OSBPL3: variants seen among roughly 807,000 people sequenced by gnomAD.
OSBPL3 encodes the protein oxysterol-binding protein-related protein 3.
A neutral mutation model predicts 120.1 loss-of-function variants in OSBPL3; 65 were observed. That is an observed-to-expected ratio of 0.54 (90% CI 0.44 to 0.67). The LOEUF is 0.67. Among genes scored for constraint, OSBPL3 ranks in the 30% least tolerant of loss-of-function variants. The pLI is 0.00. For synonymous variants in OSBPL3, 416 were observed against 402.6 expected, an observed-to-expected ratio of 1.03 and a Z score of -0.40; for missense variants, 1,004 against 1,082.1, an observed-to-expected ratio of 0.93 and a Z score of 1.01.
chr7:24,834,371 A>C lies in OSBPL3; in HGVS notation c.1746+115T>G, dbSNP rs756230542. 1 of 1,515,544 alleles carries C rather than the reference A, an allele frequency of 6.6e-7. No individual in the cohort carries two copies. The allele number at this position is 1,515,544 out of a possible 1,614,324, so 93.9% of individuals were successfully genotyped here. A position where few individuals can be genotyped will look rare whatever the true frequency, so the allele number is the denominator to read the frequency against. ...CTCTGAGTAATGAACCTGTTTACGGAACAATCAAAATGAAACCGGAGGGAA... is the reference window on the plus strand; with the variant it reads ...CTCTGAGTAATGAACCTGTTTACGGCACAATCAAAATGAAACCGGAGGGAA... On this transcript the variant is annotated intron_variant, in intron 15 of 22. Coordinates refer to ENST00000313367, the MANE Select transcript of OSBPL3 (RefSeq NM_015550.4). The surrounding 1 kb of genome is among the most constrained non-coding windows in gnomAD (Gnocchi z 5.2).
At chr7:24,840,838 T>A in intron 13 of OSBPL3, 55 bp from the exon 14 acceptor site, 1 of 796,076 alleles carries the variant, frequency 1.3e-6, no homozygotes, top group Non-Finnish European at 2.1e-6. Flanking sequence ...AGAGCCAGAT[T>A]TTCATAAAAC....
At chr7:24,853,241 G>C (rs1161391412) in intron 10 of OSBPL3, among the ~76,000 whole-genome samples, 1 of 152,216 alleles carries the variant, frequency 6.6e-6, no homozygotes, top group African/African-American at 2.4e-5. Context: ...AAATTAGACA[G>C]CACCTTAATC....
intron 10 of OSBPL3, among the ~76,000 whole-genome samples, chr7:24,859,146 A>C (rs1258391539): frequency 1.3e-5 from 2 of 152,200 alleles, no homozygotes; most frequent in East Asian, 3.8e-4. Flanking sequence ...TGGTTTCCTT[A>C]TAACCCACCT....
rs1810025145 is a variant in OSBPL3 at position 24,918,708 on chromosome 7, T to C, written c.-149-26087A>G. 6.6e-6 allele frequency among the ~76,000 whole-genome samples: 1 copy of C among 152,220 alleles called. No individual in the cohort carries two copies. The highest frequency in any genetic ancestry group is 2.4e-5 in the African/African-American group (1 of 41,452). ...GACACTGGAGATAAGGCAGTGAACT[T>C]AGTCTGAAACATTATACAAATATCA... is the stretch of plus-strand genomic sequence containing the variant. On this transcript the variant is annotated intron_variant, in intron 1 of 22. Coordinates refer to ENST00000313367, the MANE Select transcript of OSBPL3 (RefSeq NM_015550.4). The surrounding 1 kb of genome is among the most constrained non-coding windows in gnomAD (Gnocchi z 4.3).
intron 2 of OSBPL3, among the ~76,000 whole-genome samples, chr7:24,887,328 A>C (rs1176122328): frequency 6.6e-6 from 1 of 152,190 alleles, no homozygotes; most frequent in Non-Finnish European, 1.5e-5. Flanking sequence ...TATGGTGAAG[A>C]CACGATATCT....
At position 24,940,277 on chromosome 7, in the gene OSBPL3, T is replaced by C. The variant is rs1812924824; in HGVS notation, c.-150+39609A>G. Among the ~76,000 whole-genome samples, 1 of 152,130 alleles carries C rather than the reference T, an allele frequency of 6.6e-6. No homozygotes were observed. The highest frequency in any genetic ancestry group is 1.5e-5 in the Non-Finnish European group (1 of 68,028). On this transcript the variant is annotated intron_variant, in intron 1 of 22. Transcript: ENST00000313367. This position sits in a 1 kb window ranked among gnomAD's most constrained non-coding sequence, Gnocchi z 4.4. Reference sequence around the variant, plus strand: ...AAAGCCAATAAGCAGAGTGGTAAACTGAGTACAAAGACAGAAGAAGTGGAC... The same window carrying C: ...AAAGCCAATAAGCAGAGTGGTAAACCGAGTACAAAGACAGAAGAAGTGGAC...
chr7:24,966,008 C>A lies in OSBPL3; in HGVS notation c.-150+13878G>T, dbSNP rs1395643460. ...TCTTGCCCTTGTTTCCTCCAAACCC[C>A]CTTCACATCCATTGACACCTGGCTA... On this transcript the variant is annotated intron_variant, in intron 1 of 22. Coordinates refer to ENST00000313367, the MANE Select transcript of OSBPL3 (RefSeq NM_015550.4). This position sits in a 1 kb window ranked among gnomAD's most constrained non-coding sequence, Gnocchi z 4.8. Among the ~76,000 whole-genome samples, 1 of 152,172 alleles carries A rather than the reference C, an allele frequency of 6.6e-6. No individual in the cohort carries two copies. The highest frequency in any genetic ancestry group is 2.4e-5 in the African/African-American group (1 of 41,450).
At chr7:24,837,470 T>G (rs1168561727) in intron 14 of OSBPL3, among the ~76,000 whole-genome samples, 1 of 152,124 alleles carries the variant, frequency 6.6e-6, no homozygotes, top group Non-Finnish European at 1.5e-5. Flanking sequence ...TCCCAAAGTG[T>G]TGGGATTATA....
Position 24,821,271 on chromosome 7 carries a change from C to T in OSBPL3, c.1885-1033G>A, listed in dbSNP as rs945757859. Among the ~76,000 whole-genome samples, 1 of 152,210 alleles carries T rather than the reference C, an allele frequency of 6.6e-6. No homozygotes were observed. The highest frequency in any genetic ancestry group is 2.4e-5 in the African/African-American group (1 of 41,448). The stretch of plus-strand genomic sequence containing the variant: ...ACATTTCCCAAGCCACACCAATAGT[C>T]AGGGAAGAGGTAGCGGTAAGTCCCA... On this transcript the variant is annotated intron_variant, in intron 16 of 22. Coordinates refer to ENST00000313367, the MANE Select transcript of OSBPL3 (RefSeq NM_015550.4). This position sits in a 1 kb window ranked among gnomAD's most constrained non-coding sequence, Gnocchi z 5.5.
rs1158996298 is a variant in OSBPL3, at chr7:24,831,538, G to A, written c.1747-633C>T. 1.3e-5 allele frequency among the ~76,000 whole-genome samples: 2 copies of A among 152,132 alleles called. No homozygotes were observed. Among genetic ancestry groups the A allele is most frequent in the African/African-American group, 2.4e-5 (1 of 41,432 alleles). ...AGAGAGGAAGGAAGAAAAACTTTAC[G>A]TGAACACGAAGTGAACAAACTCTCT... On this transcript the variant is annotated intron_variant, in intron 15 of 22. Transcript: ENST00000313367. This position sits in a 1 kb window ranked among gnomAD's most constrained non-coding sequence, Gnocchi z 4.0.
At chr7:24,842,195 A>G in intron 13 of OSBPL3, 84 bp downstream of exon 13, 1 of 1,400,300 alleles carries the variant, frequency 7.1e-7, no homozygotes, top group Non-Finnish European at 9.9e-7. Flanking sequence ...AGTGTTTCTG[A>G]TGATGGATTA....
intron 1 of OSBPL3, among the ~76,000 whole-genome samples, chr7:24,963,115 A>AAT (rs1815975585): frequency 6.6e-6 from 1 of 152,146 alleles, no homozygotes; most frequent in Non-Finnish European, 1.5e-5. Context: ...ACCCGATCCT[A>AAT]ATACCAGGTT....
At chr7:24,828,793 A>G (rs1399171888) in intron 16 of OSBPL3, among the ~76,000 whole-genome samples, 1 of 151,980 alleles carries the variant, frequency 6.6e-6, no homozygotes, top group Non-Finnish European at 1.5e-5. Context: ...GAAGGCTCAG[A>G]AAGTTGAAGG....
Position 24,820,518 on chromosome 7 carries a change from G to C in OSBPL3, c.1885-280C>G, listed in dbSNP as rs889683794. Among the ~76,000 whole-genome samples, 3 of 152,102 alleles carry C rather than the reference G, an allele frequency of 2.0e-5. No individual in the cohort carries two copies. The highest frequency in any genetic ancestry group is 2.9e-5 in the Non-Finnish European group (2 of 68,018). ...CCAGGTGGCGAGTGATGAGGATAGA[G>C]GCGCATTTTGAAAGACATAAAAATA... On this transcript the variant is annotated intron_variant, in intron 16 of 22. Coordinates refer to ENST00000313367, the MANE Select transcript of OSBPL3 (RefSeq NM_015550.4). The surrounding 1 kb of genome is among the most constrained non-coding windows in gnomAD (Gnocchi z 4.6).
At chr7:24,866,018 T>A (rs375905783) in intron 6 of OSBPL3, 52 bp downstream of exon 6, 270 of 1,499,756 alleles carry the variant, frequency 1.8e-4, no homozygotes, top group Non-Finnish European at 2.3e-4. Flanking sequence ...CAGGACTCCA[T>A]GAAACAAAGC....
intron 1 of OSBPL3, among the ~76,000 whole-genome samples, chr7:24,954,333 C>T (rs575786629): frequency 7.9e-5 from 12 of 152,170 alleles, no homozygotes; most frequent in Non-Finnish European, 8.8e-5. Flanking sequence ...ATGTCAAAAT[C>T]TTTCAGTCCC....
In OSBPL3 at chr7:24,797,974, TAAGCTTATAATATCAGGATG is replaced by T. The variant is rs1791898511; in HGVS notation, c.*2189_*2208del. 6.6e-6 allele frequency: 1 copy of T among 152,248 alleles called. No individual in the cohort carries two copies. The highest frequency in any genetic ancestry group is 1.5e-5 in the Non-Finnish European group (1 of 68,030). The allele number at this position is 152,248 out of a possible 1,614,324, so 9.4% of individuals were successfully genotyped here. A position where few individuals can be genotyped will look rare whatever the true frequency, so the allele number is the denominator to read the frequency against. ...AGTCATTTCCCCCTCAAGATAGTTT[TAAGCTTATAATATCAGGATG>T]CATCACCAAGCTGTTTAAATTTCAG... On this transcript the variant is annotated 3_prime_UTR_variant, in exon 23 of 23. Transcript: ENST00000313367. This position sits in a 1 kb window ranked among gnomAD's most constrained non-coding sequence, Gnocchi z 4.8.
Position 24,820,913 on chromosome 7 carries a change from A to C in OSBPL3, c.1885-675T>G, listed in dbSNP as rs562530059. ...GGTCTAATAAAACTATCTTAAGCAA[A>C]TAAGTAATCTCATTCCAGAAAAGAG... On this transcript the variant is annotated intron_variant, in intron 16 of 22. Transcript: ENST00000313367. This position sits in a 1 kb window ranked among gnomAD's most constrained non-coding sequence, Gnocchi z 4.6. Among the ~76,000 whole-genome samples, 9 of 152,344 alleles carry C rather than the reference A, an allele frequency of 5.9e-5. No homozygotes were observed. The highest frequency in any genetic ancestry group is 2.2e-4 in the African/African-American group (9 of 41,580).
At chr7:24,976,502 G>T (rs1045157009) in intron 1 of OSBPL3, among the ~76,000 whole-genome samples, 3 of 151,850 alleles carry the variant, frequency 2.0e-5, no homozygotes, top group African/African-American at 4.8e-5. Context: ...AAGAGTTAGG[G>T]TGAGCCTGAA....
Sources: allele counts gnomAD v4.1 joint callset (sites outside exome capture counted in the v4.1 genomes callset), GRCh38; gene constraint gnomAD v4.1.1; non-coding constraint Gnocchi (gnomAD v3.1); transcripts MANE v1.5; gene names NCBI Gene and HGNC (gene_info 2026-07-23, HGNC 2026-07-21).